Variants in LAMB1 observed in about 807,000 individuals in gnomAD.
LAMB1 encodes the protein laminin subunit beta 1, also known as laminin subunit beta-1.
Under a neutral mutation model 222.3 loss-of-function variants are expected in LAMB1, and 121 were observed. The observed-to-expected ratio is 0.54, with a 90% confidence interval of 0.47 to 0.63. The LOEUF (loss-of-function observed/expected upper bound fraction) is 0.63, where lower values mean the gene tolerates loss of function less well. Ranked by LOEUF, LAMB1 falls within the 30% of genes least tolerant of loss-of-function variation. LAMB1 has a pLI of 0.00. For synonymous variants in LAMB1, 794 were observed against 807.2 expected (o/e 0.98, Z 0.28); for missense variants, 2,172 against 2,240.8 (o/e 0.97, Z 0.62).
intron 31 of LAMB1, 88 bp from the exon 32 acceptor site, chr7:107,926,447 G>T: frequency 1.8e-6 from 2 of 1,126,724 alleles, no homozygotes; most frequent in Non-Finnish European, 1.3e-6. Context: ...TTAAAAGTCT[G>T]CTGTGCCATT....
intron 22 of LAMB1, 44 bp downstream of exon 22, chr7:107,953,486 T>TTC (rs1398944251): frequency 7.5e-7 from 1 of 1,341,004 alleles, no homozygotes; most frequent in East Asian, 2.3e-5. Flanking sequence ...GAAAAAAAGG[T>TTC]GGAAGTCATT....
chr7:107,975,137 C>T (rs377407913), intron 11 of LAMB1, 39 bp from the exon 12 acceptor site: 50 of 1,526,624 alleles, frequency 3.3e-5, no homozygotes, highest in East Asian at 1.1e-4. Flanking sequence ...ACACAGACCA[C>T]GTGAGTTTCA....
At chr7:107,968,358 G>C (rs1020392757) in intron 13 of LAMB1, among the ~76,000 whole-genome samples, 20 of 152,226 alleles carry the variant, frequency 1.3e-4, no homozygotes, top group Admixed American at 1.3e-3. Context: ...GGGAGAATAA[G>C]GACATAAAAT....
At chr7:107,994,074 A>G (rs542582086) in intron 5 of LAMB1, among the ~76,000 whole-genome samples, 1 of 152,362 alleles carries the variant, frequency 6.6e-6, no homozygotes, top group South Asian at 2.1e-4. Context: ...GAGGGTGTAG[A>G]TAAGGTTCCC....
At position 107,939,972 on chromosome 7, in the gene LAMB1, G is replaced by A. The variant is rs775874130; in HGVS notation, c.3761+17C>T. 3 of 1,605,210 alleles carry A rather than the reference G, an allele frequency of 1.9e-6. No homozygotes were observed. Among genetic ancestry groups the A allele is most frequent in the African/African-American group, 2.7e-5 (2 of 74,674 alleles). On this transcript the variant is annotated intron_variant, in intron 25 of 33. Coordinates refer to ENST00000222399, the MANE Select transcript of LAMB1 (RefSeq NM_002291.3). ...TTCAGCTTTATGAGTAATTCCTCTGGCTCATTAACTACTTACTCTGCTTCC... is the reference window on the plus strand; with the variant it reads ...TTCAGCTTTATGAGTAATTCCTCTGACTCATTAACTACTTACTCTGCTTCC...
At chr7:107,945,661 C>T (rs1462669319) in intron 24 of LAMB1, among the ~76,000 whole-genome samples, 1 of 152,370 alleles carries the variant, frequency 6.6e-6, no homozygotes, top group East Asian at 1.9e-4. Flanking sequence ...CAGTTCTTTC[C>T]TCACTTTGGG....
chr7:107,943,207 A>C (rs1170958595), intron 24 of LAMB1, among the ~76,000 whole-genome samples: 3 of 152,222 alleles, frequency 2.0e-5, no homozygotes, highest in African/African-American at 4.8e-5. Context: ...TTGAAGATTA[A>C]AAACAAGTGT....
At chr7:107,997,007 A>G (rs1563011080) in intron 4 of LAMB1, among the ~76,000 whole-genome samples, 1 of 152,242 alleles carries the variant, frequency 6.6e-6, no homozygotes, top group Non-Finnish European at 1.5e-5. Context: ...AAGAATGAAC[A>G]TGGCTCTAAA....
At chr7:107,969,776 A>G (rs754193175) in intron 13 of LAMB1, among the ~76,000 whole-genome samples, 5 of 152,212 alleles carry the variant, frequency 3.3e-5, no homozygotes, top group Non-Finnish European at 5.9e-5. Context: ...CAATTGTAAC[A>G]CAATGACAAG....
rs748881543 is a variant in LAMB1 at position 107,940,133 on chromosome 7, G to C, written c.3617C>G (p.Ala1206Gly). 6.2e-7 allele frequency: 1 copy of C among 1,614,054 alleles called. No homozygotes were observed. The highest frequency in any genetic ancestry group is 1.1e-5 in the South Asian group (1 of 91,068). The change falls in exon 25 of 34, where the codon GCC (alanine) becomes GGC (glycine). Residue 1206 changes from alanine (A) to glycine (G), a missense_variant. Transcript: ENST00000222399. ...RTHRFLEKAK[A>G]LKISGVIGPY... is the part of the protein sequence containing the mutation. ...CCCGATCACACCACTGATCTTCAAGGCCTTGGCTTTCTCCAGGAATCTGTG... is the reference window on the plus strand; with the variant it reads ...CCCGATCACACCACTGATCTTCAAGCCCTTGGCTTTCTCCAGGAATCTGTG...
At chr7:107,934,942 G>T (rs2032804727) in intron 27 of LAMB1, among the ~76,000 whole-genome samples, 1 of 150,504 alleles carries the variant, frequency 6.6e-6, no homozygotes, top group Non-Finnish European at 1.5e-5. Flanking sequence ...GGTGGGCTGG[G>T]GTGTTAGCCT....
rs1461768707 is a variant in LAMB1, at chr7:107,973,074, G to A, written c.1483-3C>T. ...TTGCTTAAGCCCCAGTGCTCTGGCT[G>A]CAGAACAAAACGTGAAACATGTAAC... is the stretch of plus-strand genomic sequence containing the variant. On this transcript the variant is annotated splice_polypyrimidine_tract_variant and splice_region_variant and intron_variant, in intron 12 of 33. Coordinates refer to ENST00000222399, the MANE Select transcript of LAMB1 (RefSeq NM_002291.3). 6.2e-7 allele frequency: 1 copy of A among 1,613,038 alleles called. No individual in the cohort carries two copies. The highest frequency in any genetic ancestry group is 1.7e-5 in the Admixed American group (1 of 60,018).
rs187934850 is a variant in LAMB1 at position 107,939,702 on chromosome 7, T to A, written c.3761+287A>T. ...CTTTGTCTTCTAAATCCAGCATTCC[T>A]CCCATTTTACTGACTTAGAACATGA... On this transcript the variant is annotated intron_variant, in intron 25 of 33. Transcript: ENST00000222399. Among the ~76,000 whole-genome samples, 3 of 152,272 alleles carry A rather than the reference T, an allele frequency of 2.0e-5. No individual in the cohort carries two copies. In the East Asian group the frequency reaches 5.8e-4, roughly 29 times the overall value.
intron 25 of LAMB1, among the ~76,000 whole-genome samples, chr7:107,939,653 CA>C (rs2032933524): frequency 6.6e-6 from 1 of 152,198 alleles, no homozygotes; most frequent in Non-Finnish European, 1.5e-5. Context: ...AGCCTAGCAT[CA>C]GAGCCAAGAC....
Position 107,960,669 on chromosome 7 carries a change from G to C in LAMB1, c.2110-20C>G, listed in dbSNP as rs889958550. ...AACAAGCTGTGAAGAAATGAGAACG[G>C]CCAAACATCCTTACAGTGGTGCCCC... On this transcript the variant is annotated intron_variant, in intron 17 of 33. Coordinates refer to ENST00000222399, the MANE Select transcript of LAMB1 (RefSeq NM_002291.3). The C allele has an allele frequency of 6.2e-7, 1 of 1,607,068 alleles. No homozygotes were observed.
chr7:107,966,760 G>C (rs975513326), intron 13 of LAMB1, among the ~76,000 whole-genome samples: 1 of 152,158 alleles, frequency 6.6e-6, no homozygotes, highest in African/African-American at 2.4e-5. Context: ...ATTAGAGAAC[G>C]AGCAAATGAA....
In LAMB1 at chr7:107,961,324, A is replaced by T; in HGVS notation, c.1991T>A (p.Val664Asp). ...AAAGCACACCGGCCGAGGAAGGACGACATATCTGCCCCCAAACAAAAAAGA... is the reference window on the plus strand; with the variant it reads ...AAAGCACACCGGCCGAGGAAGGACGTCATATCTGCCCCCAAACAAAAAAGA... ...VVSLSPGSRY[V>D]VLPRPVCFEK... The change falls in exon 17 of 34, where the codon GTC becomes GAC. Residue 664 changes from valine to aspartate, a missense_variant. Transcript: ENST00000222399. 1.9e-6 allele frequency: 3 copies of T among 1,613,740 alleles called. No homozygotes were observed. Among genetic ancestry groups the T allele is most frequent in the Non-Finnish European group, 1.7e-6 (2 of 1,179,930 alleles).
At chr7:107,966,609 C>A (rs2033642393) in intron 13 of LAMB1, among the ~76,000 whole-genome samples, 1 of 152,194 alleles carries the variant, frequency 6.6e-6, no homozygotes, top group Non-Finnish European at 1.5e-5. Flanking sequence ...TGAACAAAAG[C>A]TATTTTCAGA....
At chr7:107,953,788 AG>A (rs1410036747) in intron 21 of LAMB1, 34 bp from the exon 22 acceptor site, 1 of 1,592,382 alleles carries the variant, frequency 6.3e-7, no homozygotes, top group African/African-American at 1.3e-5. Context: ...CAAGATGTTT[AG>A]CTTATTGACT....
Sources: allele counts gnomAD v4.1 joint callset (sites outside exome capture counted in the v4.1 genomes callset), GRCh38; gene constraint gnomAD v4.1.1; transcripts MANE v1.5; gene names NCBI Gene and HGNC (gene_info 2026-07-23, HGNC 2026-07-21).